EXOC4: variants seen among roughly 807,000 people sequenced by gnomAD.
EXOC4 encodes the protein SEC8-like 1.
Under a neutral mutation model 107.2 loss-of-function variants are expected in EXOC4, and 71 were observed. The ratio of observed to expected loss-of-function variants is 0.66; its 90% CI spans 0.55 to 0.81. EXOC4 has a LOEUF of 0.81. Among genes scored for constraint, EXOC4 ranks in the 30% least tolerant of loss-of-function variants. EXOC4 has a pLI of 0.00. For synonymous variants in EXOC4, 456 were observed against 441.2 expected (o/e 1.03, Z -0.42); for missense variants, 1,108 against 1,189.6 (o/e 0.93, Z 1.01).
At chr7:133,836,239 A>G (rs1797915448) in intron 11 of EXOC4, among the ~76,000 whole-genome samples, 1 of 152,204 alleles carries the variant, frequency 6.6e-6, no homozygotes, top group African/African-American at 2.4e-5. Flanking sequence ...TAGCATTGGT[A>G]TTCTCTATCA....
intron 11 of EXOC4, among the ~76,000 whole-genome samples, chr7:133,857,960 G>A (rs1316024138): frequency 1.3e-5 from 2 of 152,112 alleles, no homozygotes; most frequent in Admixed American, 6.5e-5. Flanking sequence ...GCTGCTTCCC[G>A]TCACATGGGG....
At chr7:133,872,546 A>G (rs1473607289) in intron 11 of EXOC4, among the ~76,000 whole-genome samples, 1 of 152,190 alleles carries the variant, frequency 6.6e-6, no homozygotes, top group Non-Finnish European at 1.5e-5. Flanking sequence ...TAAAAGAAGA[A>G]AATGGGCAGC....
At chr7:134,058,671 AAG>A (rs1795985950) in intron 17 of EXOC4, among the ~76,000 whole-genome samples, 1 of 151,716 alleles carries the variant, frequency 6.6e-6, no homozygotes, top group Non-Finnish European at 1.5e-5. Context: ...ATTACAAAGA[AAG>A]AGCTGAGTAT....
chr7:133,382,532 A>G (rs923767824), intron 7 of EXOC4, among the ~76,000 whole-genome samples: 2 of 152,150 alleles, frequency 1.3e-5, no homozygotes, highest in African/African-American at 4.8e-5. Context: ...TTTAGTTTTC[A>G]TGTACTTGTT....
rs534282396 is a variant in EXOC4, at chr7:133,935,809, A to T, written c.2028-2082A>T. Among the ~76,000 whole-genome samples the T allele has an allele frequency of 5.3e-5, 8 of 152,338 alleles. No individual in the cohort carries two copies. The East Asian group carries it at 1.5e-3, about 29-fold the overall frequency. On this transcript the variant is annotated intron_variant, in intron 13 of 17. Transcript: ENST00000253861. ...AATAAGACTTCCATGAGTTGCTAAT[A>T]GTTGAAGCTGGAAGACAGTTACATG...
At chr7:133,994,417 A>G (rs1184055037) in intron 14 of EXOC4, among the ~76,000 whole-genome samples, 1 of 152,208 alleles carries the variant, frequency 6.6e-6, no homozygotes, top group Non-Finnish European at 1.5e-5. Flanking sequence ...CTTAAAATCT[A>G]GATGATGGGC....
chr7:133,273,480 C>T (rs73436962), intron 1 of EXOC4, among the ~76,000 whole-genome samples: 12,496 of 152,204 alleles, frequency 0.082, 914 homozygotes, highest in African/African-American at 0.19. Flanking sequence ...GAGCATCCCA[C>T]GCTGTCCTGA....
intron 7 of EXOC4, among the ~76,000 whole-genome samples, chr7:133,448,191 C>T (rs529881938): frequency 1.3e-5 from 2 of 152,294 alleles, no homozygotes; most frequent in African/African-American, 4.8e-5. Context: ...GAGTGTGCCC[C>T]ACTGCACTCA....
intron 11 of EXOC4, among the ~76,000 whole-genome samples, chr7:133,839,812 G>A (rs1033308398): frequency 1.3e-5 from 2 of 152,164 alleles, no homozygotes; most frequent in Non-Finnish European, 2.9e-5. Context: ...ACACTTGAAA[G>A]TTTCTAACAG....
At chr7:133,320,431 C>G (rs1310350943) in intron 5 of EXOC4, among the ~76,000 whole-genome samples, 3 of 152,090 alleles carry the variant, frequency 2.0e-5, no homozygotes, top group Admixed American at 2.0e-4. Context: ...TGGTGGGTCA[C>G]ATTCTTCTCA....
chr7:133,895,710 A>G lies in EXOC4; in HGVS notation c.1846A>G (p.Lys616Glu). ...GGTGTGCGTGAAGCTCCAGGAGTAC[A>G]AGGACACCTGCACTGCAGCTTACAG... ...NMVCVKLQEY[K>E]DTCTAAYRGI... Residue 616 changes from lysine to glutamate, a missense_variant, in exon 12 of 18, where the codon AAG (lysine) becomes GAG (glutamate). Physicochemically the swap from Lys to Glu is moderately conservative, Grantham distance 56. Transcript: ENST00000253861. The G allele has an allele frequency of 6.2e-7, 1 of 1,614,150 alleles. No homozygotes were observed. The highest frequency in any genetic ancestry group is 8.5e-7 in the Non-Finnish European group (1 of 1,179,988).
At chr7:133,753,279 T>C (rs527755955) in intron 10 of EXOC4, among the ~76,000 whole-genome samples, 1 of 152,354 alleles carries the variant, frequency 6.6e-6, no homozygotes, top group Admixed American at 6.5e-5. Context: ...GTCCTCATTG[T>C]AACTGTTTAT....
intron 10 of EXOC4, among the ~76,000 whole-genome samples, chr7:133,724,561 C>T (rs949613133): frequency 1.4e-4 from 22 of 152,140 alleles, no homozygotes; most frequent in African/African-American, 4.8e-4. Flanking sequence ...AAATTTTGTT[C>T]TTTTGGAACT....
At chr7:133,306,207 A>G (rs1563011108) in intron 4 of EXOC4, 146 bp downstream of exon 4, 1 of 625,240 alleles carries the variant, frequency 1.6e-6, no homozygotes, top group Non-Finnish European at 2.7e-6. Flanking sequence ...TATAATAGCA[A>G]ATACTCCATG....
chr7:133,653,941 C>A (rs1803224952), intron 10 of EXOC4, among the ~76,000 whole-genome samples: 1 of 152,116 alleles, frequency 6.6e-6, no homozygotes, highest in African/African-American at 2.4e-5. Context: ...GAATAGGACA[C>A]AAGAAAGTCT....
chr7:133,997,352 C>A, intron 14 of EXOC4, 140 bp from the exon 15 acceptor site: 1 of 770,698 alleles, frequency 1.3e-6, no homozygotes. Flanking sequence ...AATTGTCTAT[C>A]ATGTCTTGGA....
At chr7:133,755,269 T>C (rs1191584704) in intron 10 of EXOC4, among the ~76,000 whole-genome samples, 1 of 104,170 alleles carries the variant, frequency 9.6e-6, no homozygotes, top group Non-Finnish European at 1.9e-5. Context: ...ATATATTATA[T>C]ATATTATATA....
At chr7:133,329,544 C>T (rs1171289858) in intron 5 of EXOC4, among the ~76,000 whole-genome samples, 1 of 152,126 alleles carries the variant, frequency 6.6e-6, no homozygotes. Flanking sequence ...TTGGTTTCAC[C>T]CCATCTTCGT....
intron 6 of EXOC4, among the ~76,000 whole-genome samples, chr7:133,357,264 G>A (rs2150659881): frequency 6.6e-6 from 1 of 152,314 alleles, no homozygotes; most frequent in East Asian, 1.9e-4. Flanking sequence ...ACAACTGTAT[G>A]ACCTAGTTAT....
Sources: gnomAD v4.1 joint callset for allele counts (sites outside exome capture counted in the v4.1 genomes callset) on GRCh38, gnomAD v4.1.1 for gene constraint, MANE v1.5 for transcripts, NCBI Gene and HGNC (gene_info 2026-07-23, HGNC 2026-07-21) for gene names.